MIAT: variants seen among roughly 807,000 people sequenced by gnomAD.
MIAT encodes myocardial infarction associated transcript, also known as MI related novel mRNA.
At chr22:26,671,563 G>T (rs1024284180), downstream of MIAT, 1 of 398,838 alleles carries the variant, frequency 2.5e-6, no homozygotes, top group Admixed American at 4.4e-5. Flanking sequence ...GCAGCTCATG[G>T]GCCTTTCAAG....
chr22:26,666,122 G>T, exon 4 of MIAT: 1 of 398,626 alleles, frequency 2.5e-6, no homozygotes, highest in Non-Finnish European at 4.4e-6. Flanking sequence ...CCCACTCCCG[G>T]GTGCTGACAG....
exon 4 of MIAT, chr22:26,665,565 G>A: frequency 2.5e-6 from 1 of 398,810 alleles, no homozygotes; most frequent in Non-Finnish European, 4.4e-6. Context: ...GGAGACAGAA[G>A]GGAATTTCCA....
At chr22:26,668,486 GC>G (rs886841054) in exon 6 of MIAT, 26 of 398,872 alleles carry the variant, frequency 6.5e-5, no homozygotes, top group African/African-American at 4.3e-4. Context: ...GGGTCTGGGG[GC>G]CCTTTCCTGC....
chr22:26,673,654 T>C (rs1487973292), downstream of MIAT: 10 of 213,614 alleles, frequency 4.7e-5, no homozygotes, highest in East Asian at 3.2e-4. Context: ...AGCTTTGAAC[T>C]TGGCTAACAC....
chr22:26,672,840 G>A (rs1931103146), downstream of MIAT: 2 of 398,408 alleles, frequency 5.0e-6, no homozygotes, highest in Non-Finnish European at 8.8e-6. Context: ...ACAGGAAGTC[G>A]GCCAGAGAAA....
intron 3 of MIAT, among the ~76,000 whole-genome samples, chr22:26,664,210 C>A (rs1276352926): frequency 6.6e-6 from 1 of 151,998 alleles, no homozygotes; most frequent in Non-Finnish European, 1.5e-5. Flanking sequence ...TGGGGCTTTG[C>A]CGTGTTGGCC....
At chr22:26,646,829 G>A in exon 1 of MIAT, 1 of 398,620 alleles carries the variant, frequency 2.5e-6, no homozygotes, top group East Asian at 3.6e-5. Flanking sequence ...GGGTGGTGTG[G>A]GAGTCGGCCT....
intron 2 of MIAT, among the ~76,000 whole-genome samples, chr22:26,647,629 A>G (rs1159565169): frequency 6.6e-6 from 1 of 152,092 alleles, no homozygotes; most frequent in Non-Finnish European, 1.5e-5. Context: ...GGGGCCAGCC[A>G]TGGCAGGGTA....
downstream of MIAT, chr22:26,673,137 G>A (rs1053636074): frequency 2.5e-6 from 1 of 398,624 alleles, no homozygotes; most frequent in Non-Finnish European, 4.4e-6. Flanking sequence ...AGAGAGAAGT[G>A]GGGAGCAAGA....
At chr22:26,648,084 G>A (rs1044233768) in intron 2 of MIAT, among the ~76,000 whole-genome samples, 8 of 152,142 alleles carry the variant, frequency 5.3e-5, no homozygotes, top group Admixed American at 5.2e-4. Context: ...CGGGCGGGGA[G>A]GAGGGAAGGC....
chr22:26,649,547 G>T (rs1018510800), intron 2 of MIAT, among the ~76,000 whole-genome samples: 1 of 152,210 alleles, frequency 6.6e-6, no homozygotes, highest in African/African-American at 2.4e-5. Context: ...GCACATGCTT[G>T]GTCTGTGCAA....
downstream of MIAT, chr22:26,672,592 G>A: frequency 2.5e-6 from 1 of 398,704 alleles, no homozygotes; most frequent in Non-Finnish European, 4.4e-6. Context: ...TCCTCTGGAA[G>A]GAAGCTGGGG....
chr22:26,666,838 G>T, exon 4 of MIAT: 1 of 399,082 alleles, frequency 2.5e-6, no homozygotes, highest in East Asian at 3.6e-5. Context: ...CCTGCGGTGT[G>T]GTTGGCTCTT....
chr22:26,663,554 C>T (rs908261453), intron 3 of MIAT: 8 of 391,602 alleles, frequency 2.0e-5, no homozygotes, highest in Non-Finnish European at 3.6e-5. Flanking sequence ...GTTCCCCAAT[C>T]GTGGCTTTCC....
At chr22:26,670,700 G>C, downstream of MIAT, 1 of 397,322 alleles carries the variant, frequency 2.5e-6, no homozygotes, top group Non-Finnish European at 4.4e-6. Context: ...AATGCTAATG[G>C]CAATTTCAAA....
downstream of MIAT, chr22:26,670,997 T>C (rs1449721836): frequency 1.3e-5 from 5 of 397,652 alleles, no homozygotes; most frequent in Admixed American, 4.4e-5. Flanking sequence ...GGCAGGCCAA[T>C]AGTTGGAGAA....
intron 2 of MIAT, chr22:26,658,378 A>T (rs1395941821): frequency 1.3e-5 from 2 of 152,184 alleles, no homozygotes; most frequent in Non-Finnish European, 2.9e-5. Context: ...AGAAATGGAG[A>T]TTCAGAGAGG....
intron 2 of MIAT, among the ~76,000 whole-genome samples, chr22:26,657,029 A>G (rs1930479129): frequency 6.6e-6 from 1 of 152,206 alleles, no homozygotes; most frequent in Non-Finnish European, 1.5e-5. Flanking sequence ...CTCCACCATA[A>G]CCATGTGCAT....
exon 5 of MIAT, chr22:26,675,085 T>C: frequency 2.5e-6 from 1 of 398,796 alleles, no homozygotes; most frequent in Non-Finnish European, 4.4e-6. Context: ...CCATTTGGTC[T>C]TCAGGAGCTT....
Sources: gnomAD v4.1 joint callset for allele counts (sites outside exome capture counted in the v4.1 genomes callset) on GRCh38, gnomAD v4.1.1 for gene constraint, MANE v1.5 for transcripts, NCBI Gene and HGNC (gene_info 2026-07-23, HGNC 2026-07-21) for gene names.